Variants in SGCE observed in about 807,000 individuals in gnomAD.
SGCE encodes sarcoglycan epsilon, also known as epsilon-sarcoglycan.
In SGCE, 26 loss-of-function variants were observed where a neutral mutation model predicts 57.8. That is an observed-to-expected ratio of 0.45 (90% confidence interval 0.33 to 0.62). The LOEUF (loss-of-function observed/expected upper bound fraction) is 0.62. Ranked by LOEUF, SGCE falls within the 20% of genes least tolerant of loss-of-function variation. The probability of loss-of-function intolerance (pLI) is 0.02; values close to 1 mark genes in which losing one functional copy is unlikely to be tolerated. For missense variants in SGCE, 468 were observed against 548.6 expected (o/e 0.85, Z 1.47); for synonymous variants, 183 against 189.5 (o/e 0.97, Z 0.28).
rs145010266 is a variant in SGCE at position 94,623,359 on chromosome 7, C to A, written c.429G>T (p.Arg143Ser). 53 of 1,605,294 alleles carry A rather than the reference C, an allele frequency of 3.3e-5. No individual in the cohort carries two copies. The African/African-American group carries it at 7.1e-4, about 22-fold the overall frequency. ...ACATTATATTAATTATCAAATTATG[C>A]CTTGCAGTCTCAAAGGTGCGCCTGT... ...AYNRRTFETA[R>S]HNLIINIMSA... Residue 143 changes from arginine (R) to serine (S), a missense_variant, in exon 4 of 11, where the codon AGG (arginine) becomes AGT (serine). Physicochemically the swap from Arg to Ser is moderately radical, Grantham distance 110. Transcript: ENST00000648936.
chr7:94,601,443 C>CAAAAAAAAAAAAAAAAAAAAA (rs71123905), intron 6 of SGCE, among the ~76,000 whole-genome samples: 4 of 89,336 alleles, frequency 4.5e-5, no homozygotes, highest in African/African-American at 1.2e-4. Context: ...ATCCCAGTAT[C>CAAAAAAAAAAAAAAAAAAAAA]AAAAAAAAAA....
Position 94,603,440 on chromosome 7 carries a change from C to G in SGCE, c.675G>C (p.Met225Ile). Residue 225 changes from methionine (M) to isoleucine (I), a missense_variant, in exon 6 of 11, where the codon ATG (methionine) becomes ATC (isoleucine). Transcript: ENST00000648936. ...AAGAAAACGGGACATCTGCACCAAC[C>G]ATGACATAAACGCTGTAAAAATGTG... Reference protein sequence around the residue: ...INDLKEGVYVMVGADVPFSSC... With the variant: ...INDLKEGVYVIVGADVPFSSC... 6.2e-7 allele frequency: 1 copy of G among 1,613,132 alleles called. No individual in the cohort carries two copies. The highest frequency in any genetic ancestry group is 8.5e-7 in the Non-Finnish European group (1 of 1,179,384).
chr7:94,613,862 TC>T (rs1195310367), intron 5 of SGCE, among the ~76,000 whole-genome samples: 1 of 152,090 alleles, frequency 6.6e-6, no homozygotes, highest in Non-Finnish European at 1.5e-5. Context: ...GCACAAAACT[TC>T]CTGCCTTTTC....
Position 94,585,123 on chromosome 7 carries a change from T to G in SGCE, c.*376A>C, listed in dbSNP as rs1796742910. The stretch of plus-strand genomic sequence containing the variant: ...TATATATTCATAGGAAGCACTAAAG[T>G]CTTGTGGAATGAGAATGAACACATA... On this transcript the variant is annotated 3_prime_UTR_variant, in exon 11 of 11. Coordinates refer to ENST00000648936, the MANE Select transcript of SGCE (RefSeq NM_003919.3). 1 of 185,060 alleles carries G rather than the reference T, an allele frequency of 5.4e-6. No homozygotes were observed. Among genetic ancestry groups the G allele is most frequent in the African/African-American group, 2.4e-5 (1 of 42,488 alleles). 11.5% of individuals were successfully genotyped at this position (185,060 alleles called of 1,614,324 possible).
intron 9 of SGCE, chr7:94,590,130 C>T (rs1036881010): frequency 1.3e-5 from 2 of 152,196 alleles, no homozygotes; most frequent in Admixed American, 6.5e-5. Flanking sequence ...TTGAAGCCAA[C>T]AACCAACTAC....
intron 9 of SGCE, among the ~76,000 whole-genome samples, chr7:94,590,306 A>G (rs1158203371): frequency 6.6e-6 from 1 of 152,146 alleles, no homozygotes; most frequent in African/African-American, 2.4e-5. Flanking sequence ...CCACCTTCCT[A>G]TGCATCCTCA....
intron 1 of SGCE, among the ~76,000 whole-genome samples, chr7:94,644,829 TTTAAAA>T (rs1443208808): frequency 6.6e-6 from 1 of 152,212 alleles, no homozygotes; most frequent in Admixed American, 6.5e-5. Context: ...CCTCATTTCT[TTTAAAA>T]TTGTTTCCTA....
intron 5 of SGCE, among the ~76,000 whole-genome samples, chr7:94,614,022 A>G (rs1207931948): frequency 6.6e-6 from 1 of 150,576 alleles, no homozygotes; most frequent in Non-Finnish European, 1.5e-5. Flanking sequence ...TTAGGAAAAC[A>G]TTGAAAACTT....
In SGCE at chr7:94,628,280, G is replaced by A; in HGVS notation, c.312C>T (p.Ile104=). Residue 104 remains isoleucine (I), a synonymous_variant, in exon 3 of 11, where the codon ATC becomes ATT. Transcript: ENST00000648936. ...CTCCATCACTATATGGTGTCCTTTG[G>A]ATATATCGAAGCCATCCAGGTCGGT... ...YPDRPGWLRY[I]QRTPYSDGVL... is the part of the protein sequence containing the mutation. 6.2e-7 allele frequency: 1 copy of A among 1,611,056 alleles called. No homozygotes were observed. Among genetic ancestry groups the A allele is most frequent in the Non-Finnish European group, 8.5e-7 (1 of 1,177,932 alleles).
Position 94,645,884 on chromosome 7 carries a change from A to T in SGCE, c.109+10106T>A, listed in dbSNP as rs1283406849. On this transcript the variant is annotated intron_variant, in intron 1 of 10. Coordinates refer to ENST00000648936, the MANE Select transcript of SGCE (RefSeq NM_003919.3). The stretch of plus-strand genomic sequence containing the variant: ...TCTTTAAATACAATCGTTTTTAAAA[A>T]TATATCTTCAAATGAAAAAAAACTA... Among the ~76,000 whole-genome samples, 6 of 152,196 alleles carry T rather than the reference A, an allele frequency of 3.9e-5. No individual in the cohort carries two copies. In the East Asian group the frequency reaches 1.2e-3, roughly 29 times the overall value.
At chr7:94,626,259 T>C (rs1003183884) in intron 3 of SGCE, 2 of 152,108 alleles carry the variant, frequency 1.3e-5, no homozygotes, top group Non-Finnish European at 2.9e-5. Context: ...TAATGGTTGA[T>C]AAACAGACAT....
intron 1 of SGCE, among the ~76,000 whole-genome samples, chr7:94,642,581 AC>A (rs1293695268): frequency 6.6e-6 from 1 of 152,218 alleles, no homozygotes; most frequent in Non-Finnish European, 1.5e-5. Context: ...TAATTCACAT[AC>A]AAAACTGTGA....
rs534632849 is a variant in SGCE at position 94,656,130 on chromosome 7, T to TCTCCC, written c.-33_-32insGGGAG. The TCTCCC allele has an allele frequency of 4.0e-4, 511 of 1,272,298 alleles. 3 individuals carry two copies. In the South Asian group the frequency reaches 5.2e-3, roughly 13 times the overall value. The allele number at this position is 1,272,298 out of a possible 1,614,324, so 78.8% of individuals were successfully genotyped here. ...CCTGGCTAGGCCGTCCGTCCTCGAT[T>TCTCCC]CTCCCCTCCCCTCCCTTTCTTCTTC... On this transcript the variant is annotated 5_prime_UTR_variant, in exon 1 of 11. Coordinates refer to ENST00000648936, the MANE Select transcript of SGCE (RefSeq NM_003919.3).
intron 5 of SGCE, chr7:94,616,836 C>T (rs936559343): frequency 4.6e-5 from 7 of 151,956 alleles, no homozygotes; most frequent in South Asian, 2.1e-4. Context: ...GCTGGCATTG[C>T]GTACAATTTA....
chr7:94,621,609 A>G (rs1802796208), intron 4 of SGCE: 1 of 152,174 alleles, frequency 6.6e-6, no homozygotes, highest in South Asian at 2.1e-4. Context: ...AGGGACTCTC[A>G]CACCTGACAG....
At chr7:94,600,412 T>C (rs1799026264) in intron 7 of SGCE, 2 of 472,682 alleles carry the variant, frequency 4.2e-6, no homozygotes, top group Non-Finnish European at 7.6e-6. Flanking sequence ...CAGTGTGAAT[T>C]TACATCTAGC....
At chr7:94,610,994 A>G (rs1382863323) in intron 5 of SGCE, among the ~76,000 whole-genome samples, 1 of 152,226 alleles carries the variant, frequency 6.6e-6, no homozygotes, top group Non-Finnish European at 1.5e-5. Flanking sequence ...AAAGGCAGAT[A>G]ATAGCTAGTG....
At chr7:94,636,830 A>T (rs1217135544) in intron 1 of SGCE, among the ~76,000 whole-genome samples, 1 of 152,144 alleles carries the variant, frequency 6.6e-6, no homozygotes, top group Non-Finnish European at 1.5e-5. Flanking sequence ...TTGGGAGGGC[A>T]AGGCGGGCAG....
rs113263700 is a variant in SGCE, at chr7:94,639,489, T to C, written c.110-9648A>G. 1.9e-3 allele frequency: 2,353 copies of C among 1,238,896 alleles called. 44 individuals carry two copies. The African/African-American group carries it at 0.031, about 16-fold the overall frequency. 76.7% of individuals were successfully genotyped at this position (1,238,896 alleles called of 1,614,324 possible). On this transcript the variant is annotated intron_variant, in intron 1 of 10. Transcript: ENST00000648936. The stretch of plus-strand genomic sequence containing the variant: ...CAAATGTACAAAAAAATGAAATTAA[T>C]GTCATGATTTTTTAAAATGACTGTC...
Sources: allele counts gnomAD v4.1 joint callset (sites outside exome capture counted in the v4.1 genomes callset), GRCh38; gene constraint gnomAD v4.1.1; transcripts MANE v1.5; gene names NCBI Gene and HGNC (gene_info 2026-07-23, HGNC 2026-07-21).